SRPK2: variants seen among roughly 807,000 people sequenced by gnomAD.
SRPK2 encodes the protein SFRS protein kinase 2.
Under a neutral mutation model 90.8 loss-of-function variants are expected in SRPK2, and 21 were observed. The ratio of observed to expected loss-of-function variants is 0.23; its 90% CI spans 0.16 to 0.33. The LOEUF (loss-of-function observed/expected upper bound fraction) is 0.33. SRPK2 is among the 10% of genes least tolerant of loss of function. The pLI, the probability that SRPK2 is intolerant of heterozygous loss-of-function variation, is 1.00. For missense variants in SRPK2, 620 were observed against 869.0 expected, an observed-to-expected ratio of 0.71 and a Z score of 3.60; for synonymous variants, 288 against 311.1, an observed-to-expected ratio of 0.93 and a Z score of 0.78.
At chr7:105,204,971 A>G (rs1442362998) in intron 2 of SRPK2, 4 of 305,496 alleles carry the variant, frequency 1.3e-5, no homozygotes, top group Non-Finnish European at 2.5e-5. Context: ...TCCTCACTGC[A>G]GCACAGCCTG....
chr7:105,286,956 T>C (rs1808182854), intron 2 of SRPK2, among the ~76,000 whole-genome samples: 1 of 152,074 alleles, frequency 6.6e-6, no homozygotes, highest in Admixed American at 6.6e-5. Context: ...ACATTCATAA[T>C]ATACAGCATT....
intron 1 of SRPK2, among the ~76,000 whole-genome samples, chr7:105,397,474 C>T (rs188155323): frequency 6.6e-4 from 100 of 151,806 alleles, no homozygotes; most frequent in Non-Finnish European, 1.1e-3. Context: ...GGACTATAGG[C>T]ACACGCCACC....
intron 2 of SRPK2, among the ~76,000 whole-genome samples, chr7:105,346,857 T>TAAAA (rs34287828): frequency 7.3e-6 from 1 of 137,266 alleles, no homozygotes; most frequent in African/African-American, 2.7e-5. Flanking sequence ...TCTCATTTGT[T>TAAAA]AAAAAAAAAA....
chr7:105,233,618 C>T (rs2129620427), intron 2 of SRPK2, among the ~76,000 whole-genome samples: 1 of 152,296 alleles, frequency 6.6e-6, no homozygotes, highest in Non-Finnish European at 1.5e-5. Context: ...CTTTGGTAGG[C>T]CAAAGCCGGT....
intron 3 of SRPK2, among the ~76,000 whole-genome samples, chr7:105,184,837 A>G (rs1190334857): frequency 6.6e-6 from 1 of 152,204 alleles, no homozygotes. Context: ...TGGTCTTTCC[A>G]TCTAAGAATT....
At chr7:105,136,954 T>A (rs896684391) in intron 11 of SRPK2, among the ~76,000 whole-genome samples, 1 of 151,926 alleles carries the variant, frequency 6.6e-6, no homozygotes, top group Non-Finnish European at 1.5e-5. Flanking sequence ...ATATGGGCAA[T>A]AAGGCAAATA....
At chr7:105,362,225 A>C (rs1818506060) in intron 2 of SRPK2, among the ~76,000 whole-genome samples, 1 of 152,290 alleles carries the variant, frequency 6.6e-6, no homozygotes, top group South Asian at 2.1e-4. Flanking sequence ...CACATGAAAA[A>C]ATGTTCATCA....
At chr7:105,121,371 A>G (rs1443746248) in intron 15 of SRPK2, among the ~76,000 whole-genome samples, 1 of 85,708 alleles carries the variant, frequency 1.2e-5, no homozygotes, top group Non-Finnish European at 2.7e-5. Context: ...AAAATATATG[A>G]AGACGTAAAA....
chr7:105,341,840 G>A (rs758596052), intron 2 of SRPK2, among the ~76,000 whole-genome samples: 1 of 152,148 alleles, frequency 6.6e-6, no homozygotes, highest in African/African-American at 2.4e-5. Flanking sequence ...GGTGGCCCGC[G>A]CCTGTAATCC....
rs373825809 is a variant in SRPK2, at chr7:105,142,026, T to C, written c.1525A>G (p.Thr509Ala). Residue 509 changes from threonine (T) to alanine (A), a missense_variant, in exon 11 of 16, where the codon ACT becomes GCT. Transcript: ENST00000393651. ...CACTTACCTTTTGGCAAATCCCCAG[T>C]ACTGGAGGCTGAAACCGTTCTGCTT... ...DRSRTVSASS[T>A]GDLPKAKTRA... is the part of the protein sequence containing the mutation. 6.1e-5 allele frequency: 99 copies of C among 1,612,732 alleles called. No individual in the cohort carries two copies. Among genetic ancestry groups the C allele is most frequent in the Non-Finnish European group, 7.7e-5 (91 of 1,179,168 alleles).
intron 2 of SRPK2, among the ~76,000 whole-genome samples, chr7:105,243,630 C>CAAA (rs767760238): frequency 1.6e-4 from 9 of 55,566 alleles, no homozygotes; most frequent in Non-Finnish European, 2.2e-4. Flanking sequence ...GACTCCATCT[C>CAAA]AAAAAAAAAA....
chr7:105,158,974 G>A (rs1049283380), intron 7 of SRPK2, among the ~76,000 whole-genome samples: 6 of 151,736 alleles, frequency 4.0e-5, no homozygotes, highest in East Asian at 3.9e-4. Flanking sequence ...TCAGCCTGTC[G>A]AAATAATGAA....
intron 3 of SRPK2, among the ~76,000 whole-genome samples, chr7:105,181,292 G>A (rs1187074198): frequency 2.6e-5 from 4 of 152,234 alleles, no homozygotes; most frequent in Non-Finnish European, 4.4e-5. Flanking sequence ...TTCAGCCATT[G>A]TGGAAATCAG....
At chr7:105,211,289 G>A (rs1796825555) in intron 2 of SRPK2, among the ~76,000 whole-genome samples, 1 of 151,904 alleles carries the variant, frequency 6.6e-6, no homozygotes, top group East Asian at 1.9e-4. Flanking sequence ...GACTTAAGCT[G>A]GGTAATCCAG....
At chr7:105,244,638 G>C (rs376454712) in intron 2 of SRPK2, 3 of 771,442 alleles carry the variant, frequency 3.9e-6, no homozygotes, top group East Asian at 5.4e-5. Flanking sequence ...GGCCGCCTTT[G>C]GAGAGCAGCA....
chr7:105,379,642 G>T (rs1271290797), intron 2 of SRPK2, among the ~76,000 whole-genome samples: 2 of 152,132 alleles, frequency 1.3e-5, no homozygotes, highest in African/African-American at 2.4e-5. Flanking sequence ...CGTTACAGGG[G>T]TATAAATAAA....
chr7:105,295,197 C>A (rs1007341000), intron 2 of SRPK2, among the ~76,000 whole-genome samples: 1 of 120,590 alleles, frequency 8.3e-6, no homozygotes, highest in Non-Finnish European at 1.8e-5. Context: ...GGTGACAGAG[C>A]GAGAACCCGT....
intron 2 of SRPK2, among the ~76,000 whole-genome samples, chr7:105,378,124 C>T (rs1041263082): frequency 2.6e-5 from 4 of 152,144 alleles, no homozygotes; most frequent in East Asian, 1.9e-4. Context: ...CAAGACTACA[C>T]GCCATTTTAA....
chr7:105,327,145 G>A (rs1269517068), intron 2 of SRPK2, among the ~76,000 whole-genome samples: 1 of 152,078 alleles, frequency 6.6e-6, no homozygotes, highest in Non-Finnish European at 1.5e-5. Flanking sequence ...ATTCCATGAG[G>A]CTGCAAGCTA....
Sources: allele counts gnomAD v4.1 joint callset (sites outside exome capture counted in the v4.1 genomes callset), GRCh38; gene constraint gnomAD v4.1.1; transcripts MANE v1.5; gene names NCBI Gene and HGNC (gene_info 2026-07-23, HGNC 2026-07-21).